The following MDGA1 variants were observed in gnomAD, a reference collection of about 807,000 sequenced individuals.
MDGA1 encodes MAM domain-containing glycosylphosphatidylinositol anchor protein 1.
In MDGA1, 54 loss-of-function variants were observed where a neutral mutation model predicts 101.5. The ratio of observed to expected loss-of-function variants is 0.53; its 90% confidence interval spans 0.43 to 0.67. MDGA1 has a LOEUF of 0.67. Ranked by LOEUF, MDGA1 falls within the 30% of genes least tolerant of loss-of-function variation. MDGA1 has a pLI of 0.00. For synonymous variants in MDGA1, 533 were observed against 558.3 expected (o/e 0.95, Z 0.64); for missense variants, 1,083 against 1,323.8 (o/e 0.82, Z 2.82).
chr6:37,663,928 G>T, intron 2 of MDGA1, 39 bp downstream of exon 2: 2 of 1,611,424 alleles, frequency 1.2e-6, no homozygotes, highest in Middle Eastern at 1.7e-4. Flanking sequence ...GCAAGGTGAG[G>T]GTAGGAGGGG....
chr6:37,662,440 G>A (rs1431965736), intron 2 of MDGA1, among the ~76,000 whole-genome samples: 1 of 152,056 alleles, frequency 6.6e-6, no homozygotes, highest in Non-Finnish European at 1.5e-5. Flanking sequence ...TTCAAGACCA[G>A]CCTGGGTAAC....
Position 37,650,388 on chromosome 6 carries a change from C to A in MDGA1, c.1330G>T (p.Val444Leu). 6.4e-7 allele frequency: 1 copy of A among 1,554,664 alleles called. No individual in the cohort carries two copies. Among genetic ancestry groups the A allele is most frequent in the Non-Finnish European group, 8.7e-7 (1 of 1,148,022 alleles). ...GTCACCACGGCCCTACCCTTGGGCACACTGATGGTGGGCGGCACTGTGGGG... is the reference window on the plus strand; with the variant it reads ...GTCACCACGGCCCTACCCTTGGGCAAACTGATGGTGGGCGGCACTGTGGGG... ...SSETVPPTIS[V>L]PKGRAVVTVR... The change falls in exon 8 of 17, where the codon GTG (valine) becomes TTG (leucine). Residue 444 changes from valine (V) to leucine (L), a missense_variant. Around this residue, in one of 3 missense-constraint regions of MDGA1, gnomAD observed 657 missense variants for 771.4 expected, o/e 0.85. Coordinates refer to ENST00000434837, the MANE Select transcript of MDGA1 (RefSeq NM_153487.4).
chr6:37,648,682 T>C lies in MDGA1; in HGVS notation c.1894+300A>G, dbSNP rs1292020648. 17 of 514,826 alleles carry C rather than the reference T, an allele frequency of 3.3e-5. No homozygotes were observed. The Admixed American group carries it at 4.1e-4, about 12-fold the overall frequency. The allele number at this position is 514,826 out of a possible 1,614,324, so 31.9% of individuals were successfully genotyped here. ...TAATGGGCGGGGCTTAGGACTGGTA[T>C]AGGCATAGGCGGGCCTTGGAAGGCG... On this transcript the variant is annotated intron_variant, in intron 9 of 16. Transcript: ENST00000434837.
At chr6:37,646,840 C>G (rs1761213478) in intron 10 of MDGA1, among the ~76,000 whole-genome samples, 1 of 152,170 alleles carries the variant, frequency 6.6e-6, no homozygotes, top group Non-Finnish European at 1.5e-5. Context: ...ACCCTCCCCT[C>G]TCCCATACCC....
chr6:37,658,471 G>T, intron 2 of MDGA1, 52 bp from the exon 3 acceptor site: 14 of 1,542,286 alleles, frequency 9.1e-6, no homozygotes, highest in Non-Finnish European at 1.1e-5. Flanking sequence ...ACGGGGTGGG[G>T]GCCTCAGCGC....
In MDGA1 at chr6:37,646,218, C is replaced by T. The variant is rs762711500; in HGVS notation, c.2204G>A (p.Arg735His). ...CCTACGCTCTGTGTAGTGGATGATG[C>T]GGGAGGCCATGTCACCAGCCCCGAA... Reference protein sequence around the residue: ...TTFGAGDMASRIIHYTEPINS... With the variant: ...TTFGAGDMASHIIHYTEPINS... The change falls in exon 11 of 17, where the codon CGC becomes CAC. Residue 735 changes from arginine to histidine, a missense_variant. Coordinates refer to ENST00000434837, the MANE Select transcript of MDGA1 (RefSeq NM_153487.4). 30 of 1,585,110 alleles carry T rather than the reference C, an allele frequency of 1.9e-5. No individual in the cohort carries two copies. The highest frequency in any genetic ancestry group is 9.0e-5 in the East Asian group (4 of 44,400).
chr6:37,649,172 C>CT lies in MDGA1; in HGVS notation c.1703dup (p.Arg569AlafsTer150). On this transcript the variant is annotated frameshift_variant, in exon 9 of 17. Transcript: ENST00000434837. LOFTEE classifies it high-confidence loss of function. ...AACGCCACACAGCCGAGGCGATGCG[C>CT]TGGGGGCTGCCTCGCAGCAGCGAGC... The CT allele has an allele frequency of 6.7e-7, 1 of 1,499,156 alleles. No homozygotes were observed. Among genetic ancestry groups the CT allele is most frequent in the Non-Finnish European group, 8.8e-7 (1 of 1,132,390 alleles). 92.9% of individuals were successfully genotyped at this position (1,499,156 alleles called of 1,614,324 possible).
At chr6:37,640,621 C>G (rs1434904450) in intron 14 of MDGA1, among the ~76,000 whole-genome samples, 1 of 151,974 alleles carries the variant, frequency 6.6e-6, no homozygotes, top group Non-Finnish European at 1.5e-5. Flanking sequence ...CTGAACAGGC[C>G]CTTTTCAAAA....
intron 9 of MDGA1, 105 bp from the exon 10 acceptor site, chr6:37,647,429 A>C: frequency 3.1e-6 from 2 of 652,146 alleles, no homozygotes; most frequent in Non-Finnish European, 5.0e-6. Context: ...GAAAACAGAG[A>C]GGGGACGGAG....
At chr6:37,644,786 G>T in intron 12 of MDGA1, 137 bp from the exon 13 acceptor site, 1 of 933,864 alleles carries the variant, frequency 1.1e-6, no homozygotes, top group Non-Finnish European at 1.5e-6. Flanking sequence ...CAAAAGACCA[G>T]GCATGGGGCC....
intron 9 of MDGA1, chr6:37,648,424 G>C: frequency 6.4e-6 from 1 of 156,918 alleles, no homozygotes; most frequent in Non-Finnish European, 1.4e-5. Flanking sequence ...TGGTGGAAGC[G>C]GGGCTGGAAG....
Position 37,646,310 on chromosome 6 carries a change from C to T in MDGA1, c.2112G>A (p.Leu704=). 6.3e-7 allele frequency: 1 copy of T among 1,595,150 alleles called. No individual in the cohort carries two copies. The highest frequency in any genetic ancestry group is 2.3e-5 in the East Asian group (1 of 44,130). Reference sequence around the variant, plus strand: ...CACGGAGATCGGTCAGGATGTACTCCAGCAGCTGCCCCTTCTCCACACGCC... The same window carrying T: ...CACGGAGATCGGTCAGGATGTACTCTAGCAGCTGCCCCTTCTCCACACGCC... ...PVRRVEKGQL[L]EYILTDLRVP... The change falls in exon 11 of 17, where the codon CTG becomes CTA. Residue 704 remains leucine (L), a synonymous_variant. Transcript: ENST00000434837.
chr6:37,642,966 C>T (rs1050184617), intron 14 of MDGA1, among the ~76,000 whole-genome samples: 2 of 152,206 alleles, frequency 1.3e-5, no homozygotes, highest in African/African-American at 4.8e-5. Flanking sequence ...AAGGGCACTC[C>T]TTATGTTCAC....
In MDGA1 at chr6:37,638,394, C is replaced by A; in HGVS notation, c.2668-81G>T. 1.3e-6 allele frequency: 2 copies of A among 1,502,980 alleles called. No individual in the cohort carries two copies. Among genetic ancestry groups the A allele is most frequent in the Non-Finnish European group, 1.8e-6 (2 of 1,101,968 alleles). 93.1% of individuals were successfully genotyped at this position (1,502,980 alleles called of 1,614,324 possible). ...AGAGTGCTCCCTCGACCCCACCTTT[C>A]CCCTTAATCTACCTGGAAGTTCCCC... On this transcript the variant is annotated intron_variant, in intron 15 of 16. Coordinates refer to ENST00000434837, the MANE Select transcript of MDGA1 (RefSeq NM_153487.4). The surrounding 1 kb of genome is among the most constrained non-coding windows in gnomAD (Gnocchi z 4.8).
In MDGA1 at chr6:37,658,231, G is replaced by T; in HGVS notation, c.382+14C>A. 6.4e-7 allele frequency: 1 copy of T among 1,562,648 alleles called. No individual in the cohort carries two copies. On this transcript the variant is annotated intron_variant, in intron 3 of 16. Transcript: ENST00000434837. ...GGCTGTCAGGGCCCGGGGAGAGAGG[G>T]GGCCTCAACTCACACTGCACGTCCA...
In MDGA1 at chr6:37,635,548, C is replaced by G. The variant is rs1001013607; in HGVS notation, c.*1820G>C. ...CCCCGCTGCATCCTGGCCCGGCCAC[C>G]CACCAGCTGTTGGTGATAATGATCA... On this transcript the variant is annotated 3_prime_UTR_variant, in exon 17 of 17. Coordinates refer to ENST00000434837, the MANE Select transcript of MDGA1 (RefSeq NM_153487.4). 2 of 398,598 alleles carry G rather than the reference C, an allele frequency of 5.0e-6. No individual in the cohort carries two copies. Among genetic ancestry groups the G allele is most frequent in the African/African-American group, 4.1e-5 (2 of 48,640 alleles). The allele number at this position is 398,598 out of a possible 1,614,324, so 24.7% of individuals were successfully genotyped here.
intron 3 of MDGA1, among the ~76,000 whole-genome samples, chr6:37,656,595 G>A (rs10807186): frequency 0.59 from 90,051 of 151,504 alleles, 28,095 homozygotes; most frequent in East Asian, 0.85. Context: ...CTGTTCTTGA[G>A]CTCCTGGGCT....
At chr6:37,645,554 T>C (rs1444666852) in intron 12 of MDGA1, among the ~76,000 whole-genome samples, 2 of 151,398 alleles carry the variant, frequency 1.3e-5, no homozygotes, top group Non-Finnish European at 3.0e-5. Context: ...AAAAAAGAAA[T>C]TAATTGTATG....
chr6:37,671,968 C>G (rs1478481575), intron 1 of MDGA1, among the ~76,000 whole-genome samples: 1 of 151,728 alleles, frequency 6.6e-6, no homozygotes, highest in East Asian at 1.9e-4. Flanking sequence ...TGGTGAAACC[C>G]CATCTCTACC....
Sources: allele counts gnomAD v4.1 joint callset (sites outside exome capture counted in the v4.1 genomes callset), GRCh38; gene constraint gnomAD v4.1.1; regional missense constraint gnomAD v4.1.1; non-coding constraint Gnocchi (gnomAD v3.1); transcripts MANE v1.5; gene names NCBI Gene and HGNC (gene_info 2026-07-23, HGNC 2026-07-21).